INTS10: variants seen among roughly 807,000 people sequenced by gnomAD.
The protein encoded by INTS10 is chromosome 8 open reading frame 35.
A neutral mutation model predicts 94.4 loss-of-function variants in INTS10; 44 were observed. The ratio of observed to expected loss-of-function variants is 0.47; its 90% CI spans 0.37 to 0.60. The LOEUF (loss-of-function observed/expected upper bound fraction) is 0.60. Among genes scored for constraint, INTS10 ranks in the 20% least tolerant of loss-of-function variants. The pLI is 0.00. For synonymous variants in INTS10, 341 were observed against 320.7 expected, an observed-to-expected ratio of 1.06 and a Z score of -0.68; for missense variants, 797 against 868.7, an observed-to-expected ratio of 0.92 and a Z score of 1.04.
chr8:19,850,144 AGAAAG>A (rs761051240), intron 16 of INTS10, among the ~76,000 whole-genome samples: 24 of 137,100 alleles, frequency 1.8e-4, no homozygotes, highest in East Asian at 6.4e-4. Flanking sequence ...AAAAAAAAAA[AGAAAG>A]AAAGAAAGAA....
intron 11 of INTS10, 140 bp downstream of exon 11, chr8:19,832,250 C>A: frequency 1.6e-6 from 1 of 617,800 alleles, no homozygotes. Flanking sequence ...TTTTCAGTGG[C>A]TGAGGGGGTA....
intron 9 of INTS10, among the ~76,000 whole-genome samples, chr8:19,828,222 A>C (rs776896173): frequency 2.6e-5 from 4 of 152,130 alleles, no homozygotes; most frequent in Non-Finnish European, 5.9e-5. Context: ...AAAAAATAAA[A>C]AAATAAAATA....
chr8:19,851,924 T>G lies in INTS10; in HGVS notation c.*119T>G, dbSNP rs1049092440. On this transcript the variant is annotated 3_prime_UTR_variant, in exon 17 of 17. Transcript: ENST00000397977. The surrounding 1 kb of genome is among the most constrained non-coding windows in gnomAD (Gnocchi z 5.0). ...GTTGCTGTTACAAAGAAGAAAACCA[T>G]CTGAGTTCTAACTCCTTGGTTGCTT... 1.2e-6 allele frequency: 1 copy of G among 826,276 alleles called. No homozygotes were observed. Among genetic ancestry groups the G allele is most frequent in the East Asian group, 2.7e-5 (1 of 37,310 alleles). The allele number at this position is 826,276 out of a possible 1,614,324, so 51.2% of individuals were successfully genotyped here.
Position 19,826,408 on chromosome 8 carries a change from G to C in INTS10, c.1007-18G>C. ...CCTTGCTGCACTGGTAAGTGTTGGT[G>C]TTTTTCCCCGTCCTTAGGTCCTAAT... On this transcript the variant is annotated intron_variant, in intron 8 of 16. Transcript: ENST00000397977. The C allele has an allele frequency of 6.2e-7, 1 of 1,601,302 alleles. No individual in the cohort carries two copies. The highest frequency in any genetic ancestry group is 8.5e-7 in the Non-Finnish European group (1 of 1,175,136).
chr8:19,849,398 A>T lies in INTS10; in HGVS notation c.1977-2251A>T, dbSNP rs2068839985. Among the ~76,000 whole-genome samples the T allele has an allele frequency of 6.6e-6, 1 of 152,106 alleles. No homozygotes were observed. Among genetic ancestry groups the T allele is most frequent in the African/African-American group, 2.4e-5 (1 of 41,418 alleles). On this transcript the variant is annotated intron_variant, in intron 16 of 16. Coordinates refer to ENST00000397977, the MANE Select transcript of INTS10 (RefSeq NM_018142.4). This position sits in a 1 kb window ranked among gnomAD's most constrained non-coding sequence, Gnocchi z 4.6. ...CAAACCATCTGGTTGTAATATTGTA[A>T]CATTTCTTATTTTTTTTCCATAAGT...
chr8:19,820,202 A>G (rs2066262166), intron 3 of INTS10, among the ~76,000 whole-genome samples, 177 bp from the exon 4 acceptor site: 1 of 152,234 alleles, frequency 6.6e-6, no homozygotes, highest in African/African-American at 2.4e-5. Flanking sequence ...TTCAGCAAAC[A>G]TCCTGTGCCA....
rs975420746 is a variant in INTS10 at position 19,837,170 on chromosome 8, C to CA, written c.1639+11dup. ...CCCAAATTTAGAAAAGGTACAGTGACATGTTTTATGACTATTTTGTAAAAA... is the reference window on the plus strand; with the variant it reads ...CCCAAATTTAGAAAAGGTACAGTGACAATGTTTTATGACTATTTTGTAAAAA... On this transcript the variant is annotated intron_variant, in intron 13 of 16. Coordinates refer to ENST00000397977, the MANE Select transcript of INTS10 (RefSeq NM_018142.4). The CA allele has an allele frequency of 2.0e-6, 3 of 1,521,946 alleles. No individual in the cohort carries two copies. The highest frequency in any genetic ancestry group is 2.7e-6 in the Non-Finnish European group (3 of 1,096,170). 94.3% of individuals were successfully genotyped at this position (1,521,946 alleles called of 1,614,324 possible).
intron 15 of INTS10, among the ~76,000 whole-genome samples, chr8:19,845,010 A>C (rs549380020): frequency 6.6e-6 from 1 of 152,026 alleles, no homozygotes; most frequent in Non-Finnish European, 1.5e-5. Context: ...AGACCCTCCT[A>C]CCTCAGCCTT....
rs928918622 is a variant in INTS10, at chr8:19,846,486, G to A, written c.1976+689G>A. Among the ~76,000 whole-genome samples, 8 of 151,894 alleles carry A rather than the reference G, an allele frequency of 5.3e-5. No individual in the cohort carries two copies. The highest frequency in any genetic ancestry group is 2.1e-4 in the South Asian group (1 of 4,828). On this transcript the variant is annotated intron_variant, in intron 16 of 16. Transcript: ENST00000397977. The surrounding 1 kb of genome is among the most constrained non-coding windows in gnomAD (Gnocchi z 4.2). ...CTGTGCTTAATTAAAATTGTGCTGG[G>A]TTAGAAAAATTCTTTAGGAAAAACT...
chr8:19,820,243 T>A, intron 3 of INTS10, 136 bp from the exon 4 acceptor site: 1 of 713,934 alleles, frequency 1.4e-6, no homozygotes, highest in Non-Finnish European at 2.1e-6. Flanking sequence ...GCTGCCAGGT[T>A]GTAGGTGAAA....
At chr8:19,820,283 T>C in intron 3 of INTS10, 96 bp from the exon 4 acceptor site, 1 of 1,210,968 alleles carries the variant, frequency 8.3e-7, no homozygotes. Context: ...CATGTAGTGT[T>C]TACTGTTCTG....
chr8:19,817,537 C>G lies in INTS10; in HGVS notation c.-1C>G, dbSNP rs780498411. On this transcript the variant is annotated 5_prime_UTR_variant, in exon 1 of 17. Transcript: ENST00000397977. ...GCTGGCGGCTGGAGAGCGCTCGGGT[C>G]ATGTCTGCCCAGGGGGACTGCGAGT... 1.8e-4 allele frequency: 283 copies of G among 1,606,564 alleles called. 1 individual carries two copies. The highest frequency in any genetic ancestry group is 1.4e-3 in the East Asian group (62 of 44,676).
intron 5 of INTS10, 34 bp downstream of exon 5, chr8:19,822,554 G>A: frequency 7.7e-7 from 1 of 1,305,420 alleles, no homozygotes; most frequent in South Asian, 1.2e-5. Context: ...TACTTCTATG[G>A]TAAATTAATA....
At position 19,824,008 on chromosome 8, in the gene INTS10, G is replaced by T; in HGVS notation, c.800G>T (p.Gly267Val). The change falls in exon 7 of 17, where the codon GGA (glycine) becomes GTA (valine). Residue 267 changes from glycine (G) to valine (V), a missense_variant. Gly to Val is a moderately radical substitution (Grantham distance 109, BLOSUM62 -3). Transcript: ENST00000397977. ...ERLFKILNVV[G>V]MRCEWQMDKG... The stretch of plus-strand genomic sequence containing the variant: ...TTGTTTAAGATTTTGAATGTTGTTG[G>T]AATGAGATGTGAATGGCAGATGGAT... 6.2e-7 allele frequency: 1 copy of T among 1,612,544 alleles called. No individual in the cohort carries two copies. Among genetic ancestry groups the T allele is most frequent in the South Asian group, 1.1e-5 (1 of 90,658 alleles).
chr8:19,824,988 T>G lies in INTS10; in HGVS notation c.1006+16T>G. 6.2e-7 allele frequency: 1 copy of G among 1,610,890 alleles called. No homozygotes were observed. The highest frequency in any genetic ancestry group is 8.5e-7 in the Non-Finnish European group (1 of 1,177,748). ...CTCTTCCAAGGTTGGTTTACAAATT[T>G]TAGAGTGTCCAAAAAGCCAGTTCAT... On this transcript the variant is annotated intron_variant, in intron 8 of 16. Coordinates refer to ENST00000397977, the MANE Select transcript of INTS10 (RefSeq NM_018142.4).
chr8:19,831,563 G>T (rs1249696702), intron 10 of INTS10, among the ~76,000 whole-genome samples: 3 of 152,114 alleles, frequency 2.0e-5, no homozygotes, highest in Non-Finnish European at 2.9e-5. Flanking sequence ...GATGGCATGT[G>T]TCTGTAGTGC....
At chr8:19,818,422 T>G (rs1335588909) in intron 2 of INTS10, 80 bp downstream of exon 2, 3 of 1,398,824 alleles carry the variant, frequency 2.1e-6, no homozygotes, top group Non-Finnish European at 3.0e-6. Context: ...AAGTGGGAGT[T>G]GGGGGAAGAT....
rs1364064784 is a variant in INTS10, at chr8:19,844,091, G to C, written c.1735G>C (p.Asp579His). Residue 579 changes from aspartate to histidine, a missense_variant, in exon 15 of 17, where the codon GAC becomes CAC. This residue lies in a region of INTS10 where 734 missense variants were observed against 787.8 expected (regional missense o/e 0.93). Coordinates refer to ENST00000397977, the MANE Select transcript of INTS10 (RefSeq NM_018142.4). Reference sequence around the variant, plus strand: ...TGTCTTGCAGCTTAGAGCTTTCACAGACAACAGAGACGACATGGCATTGGG... The same window carrying C: ...TGTCTTGCAGCTTAGAGCTTTCACACACAACAGAGACGACATGGCATTGGG... ...LACFKLRAFTDNRDDMALGHV... is the reference protein window; with the variant it reads ...LACFKLRAFTHNRDDMALGHV... The C allele has an allele frequency of 6.2e-7, 1 of 1,602,406 alleles. No individual in the cohort carries two copies. The highest frequency in any genetic ancestry group is 8.5e-7 in the Non-Finnish European group (1 of 1,174,300).
chr8:19,818,041 T>A (rs565988534), intron 1 of INTS10, among the ~76,000 whole-genome samples: 1 of 152,300 alleles, frequency 6.6e-6, no homozygotes, highest in Non-Finnish European at 1.5e-5. Flanking sequence ...GTTCAGGGCC[T>A]GCGACTTTGG....
Sources: allele counts gnomAD v4.1 joint callset (sites outside exome capture counted in the v4.1 genomes callset), GRCh38; gene constraint gnomAD v4.1.1; regional missense constraint gnomAD v4.1.1; non-coding constraint Gnocchi (gnomAD v3.1); transcripts MANE v1.5; gene names NCBI Gene and HGNC (gene_info 2026-07-23, HGNC 2026-07-21).